Variants in AGPS observed in about 807,000 individuals in gnomAD.
The protein encoded by AGPS is alkylglycerone phosphate synthase.
Under a neutral mutation model 90.7 loss-of-function variants are expected in AGPS, and 26 were observed. That is an observed-to-expected ratio of 0.29 (90% CI 0.21 to 0.40). AGPS has a LOEUF of 0.40. Among genes scored for constraint, AGPS ranks in the 10% least tolerant of loss-of-function variants. The probability of loss-of-function intolerance (pLI) is 1.00; values close to 1 mark genes in which losing one functional copy is unlikely to be tolerated. For synonymous variants in AGPS, 294 were observed against 285.3 expected (o/e 1.03, Z -0.31); for missense variants, 540 against 816.1 (o/e 0.66, Z 4.12).
At chr2:177,463,451 A>T (rs915016297) in intron 9 of AGPS, among the ~76,000 whole-genome samples, 1 of 152,216 alleles carries the variant, frequency 6.6e-6, no homozygotes, top group Non-Finnish European at 1.5e-5. Context: ...ATTTGAGACT[A>T]TTAAAGTGAT....
intron 7 of AGPS, among the ~76,000 whole-genome samples, chr2:177,444,901 G>A (rs1016862042): frequency 1.4e-4 from 22 of 152,164 alleles, no homozygotes; most frequent in South Asian, 2.1e-4. Flanking sequence ...GCAGTCATAC[G>A]TTTGGTAAGT....
At position 177,458,945 on chromosome 2, in the gene AGPS, C is replaced by G. The variant is rs192865785; in HGVS notation, c.871-2948C>G. Reference sequence around the variant, plus strand: ...AACTATACTACAAGGCCACAGTAACCAAAACAGCATGATACTGGTACCAAA... The same window carrying G: ...AACTATACTACAAGGCCACAGTAACGAAAACAGCATGATACTGGTACCAAA... On this transcript the variant is annotated intron_variant, in intron 8 of 19. Transcript: ENST00000264167. 2.6e-3 allele frequency among the ~76,000 whole-genome samples: 397 copies of G among 152,252 alleles called. 2 individuals carry two copies. Among genetic ancestry groups the G allele is most frequent in the Middle Eastern group, 3.4e-3 (1 of 294 alleles).
chr2:177,475,211 G>T (rs1003437210), intron 10 of AGPS, among the ~76,000 whole-genome samples: 1 of 152,164 alleles, frequency 6.6e-6, no homozygotes, highest in East Asian at 1.9e-4. Flanking sequence ...TAAAAGTGTT[G>T]AAAAGAGTGG....
chr2:177,457,222 T>A (rs2105659364), intron 8 of AGPS, among the ~76,000 whole-genome samples: 1 of 152,280 alleles, frequency 6.6e-6, no homozygotes. Flanking sequence ...TAACACTAAA[T>A]GCCCACAAGA....
At chr2:177,449,408 A>G (rs1298246667) in intron 8 of AGPS, among the ~76,000 whole-genome samples, 1 of 152,090 alleles carries the variant, frequency 6.6e-6, no homozygotes, top group East Asian at 1.9e-4. Flanking sequence ...ACATAGTAGT[A>G]TCTTATTGTA....
intron 7 of AGPS, among the ~76,000 whole-genome samples, chr2:177,444,420 C>CA (rs10618529): frequency 0.04 from 3,645 of 90,522 alleles, 127 homozygotes; most frequent in African/African-American, 0.094. Flanking sequence ...GACTCTGTCT[C>CA]AAAAAAAAAA....
chr2:177,416,723 G>A (rs1685797028), intron 1 of AGPS, among the ~76,000 whole-genome samples: 1 of 151,926 alleles, frequency 6.6e-6, no homozygotes, highest in Non-Finnish European at 1.5e-5. Context: ...TAGAGATGGG[G>A]TTTCACTATA....
At chr2:177,477,378 T>C (rs1475841924) in intron 10 of AGPS, among the ~76,000 whole-genome samples, 1 of 152,104 alleles carries the variant, frequency 6.6e-6, no homozygotes, top group African/African-American at 2.4e-5. Flanking sequence ...TACCACTATA[T>C]ATAATTGGCT....
At chr2:177,536,975 AAAG>A (rs1373799035) in intron 19 of AGPS, among the ~76,000 whole-genome samples, 2 of 152,164 alleles carry the variant, frequency 1.3e-5, no homozygotes, top group South Asian at 2.1e-4. Flanking sequence ...TACTTTAATG[AAAG>A]AAGGTTTCCC....
intron 2 of AGPS, among the ~76,000 whole-genome samples, chr2:177,429,188 T>C (rs1686165937): frequency 6.6e-6 from 1 of 152,214 alleles, no homozygotes; most frequent in Non-Finnish European, 1.5e-5. Context: ...CTAAACTGGC[T>C]CTTCTGGTTT....
At chr2:177,453,690 A>ATTTTTTT (rs11401105) in intron 8 of AGPS, among the ~76,000 whole-genome samples, 2 of 90,522 alleles carry the variant, frequency 2.2e-5, no homozygotes, top group African/African-American at 4.3e-5. Flanking sequence ...ATCAGTAGTA[A>ATTTTTTT]TTTTTTTTTT....
chr2:177,434,213 T>C, intron 2 of AGPS, 114 bp from the exon 3 acceptor site: 2 of 723,266 alleles, frequency 2.8e-6, no homozygotes, highest in East Asian at 2.7e-5. Flanking sequence ...TATAGTTACA[T>C]GTGAAAGTGT....
chr2:177,453,778 C>T (rs1328009189), intron 8 of AGPS, among the ~76,000 whole-genome samples: 1 of 138,298 alleles, frequency 7.2e-6, no homozygotes, highest in Admixed American at 7.8e-5. Context: ...ACCTCTGCCT[C>T]CCGGGTTCAA....
chr2:177,455,038 A>G (rs1162484593), intron 8 of AGPS, among the ~76,000 whole-genome samples: 1 of 151,410 alleles, frequency 6.6e-6, no homozygotes, highest in Non-Finnish European at 1.5e-5. Context: ...GTATTAGTGT[A>G]TTTTATGGGT....
chr2:177,434,997 G>GTATATATATATATATATATATA (rs1553509324), intron 3 of AGPS, among the ~76,000 whole-genome samples: 2 of 128,158 alleles, frequency 1.6e-5, no homozygotes, highest in African/African-American at 6.1e-5. Context: ...TAAACTGTAG[G>GTATATATATATATATATATATA]TATATATATA....
intron 2 of AGPS, among the ~76,000 whole-genome samples, chr2:177,421,120 A>G (rs574636767): frequency 6.6e-6 from 1 of 152,156 alleles, no homozygotes; most frequent in East Asian, 1.9e-4. Context: ...GTTGGTTTTA[A>G]GCAATACTGC....
Position 177,462,286 on chromosome 2 carries a change from G to A in AGPS, c.996+268G>A, listed in dbSNP as rs142136245. Among the ~76,000 whole-genome samples the A allele has an allele frequency of 2.2e-3, 333 of 151,458 alleles. 1 individual carries two copies. The highest frequency in any genetic ancestry group is 7.1e-3 in the African/African-American group (292 of 41,300). ...CGGGCTCCTGTAGTCCCAGCTACTC[G>A]GGAGGCTGAGGCAGGAGAATGGCAT... is the stretch of plus-strand genomic sequence containing the variant. On this transcript the variant is annotated intron_variant, in intron 9 of 19. Transcript: ENST00000264167.
rs1686435857 is a variant in AGPS at position 177,437,067 on chromosome 2, CT to C, written c.637+14del. The C allele has an allele frequency of 6.2e-7, 1 of 1,610,234 alleles. No homozygotes were observed. Reference sequence around the variant, plus strand: ...GTTTTATGGCCAAGTAAGTTTTCCCCTCCTCGTATCATTAATTTAGTATTGC... The same window carrying C: ...GTTTTATGGCCAAGTAAGTTTTCCCCCCTCGTATCATTAATTTAGTATTGC... On this transcript the variant is annotated intron_variant, in intron 5 of 19. Transcript: ENST00000264167.
intron 2 of AGPS, among the ~76,000 whole-genome samples, chr2:177,431,479 C>A (rs933650953): frequency 6.6e-6 from 1 of 152,166 alleles, no homozygotes; most frequent in Non-Finnish European, 1.5e-5. Flanking sequence ...AGAGCGGGAT[C>A]TTTTCCCCAC....
Sources: gnomAD v4.1 joint callset for allele counts (sites outside exome capture counted in the v4.1 genomes callset) on GRCh38, gnomAD v4.1.1 for gene constraint, MANE v1.5 for transcripts, NCBI Gene and HGNC (gene_info 2026-07-23, HGNC 2026-07-21) for gene names.